Variants in STAG1 observed in about 807,000 individuals in gnomAD.
The protein encoded by STAG1 is cohesin subunit SA-1.
STAG1 carries 26 observed loss-of-function variants against 170.9 expected under a neutral mutation model. The observed-to-expected ratio is 0.15, with a 90% CI of 0.11 to 0.21. STAG1 has a LOEUF of 0.21. Among genes scored for constraint, STAG1 ranks in the 10% least tolerant of loss-of-function variants. The probability of loss-of-function intolerance (pLI) is 1.00; values close to 1 mark genes in which losing one functional copy is unlikely to be tolerated. For synonymous variants in STAG1, 514 were observed against 497.7 expected, an observed-to-expected ratio of 1.03 and a Z score of -0.44; for missense variants, 964 against 1,509.5, an observed-to-expected ratio of 0.64 and a Z score of 5.99.
At chr3:136,544,449 G>A (rs563236872) in intron 5 of STAG1, among the ~76,000 whole-genome samples, 1 of 152,008 alleles carries the variant, frequency 6.6e-6, no homozygotes, top group Non-Finnish European at 1.5e-5. Context: ...ATAACACAAG[G>A]CTCTTTTAAG....
At position 136,337,215 on chromosome 3, in the gene STAG1, G is replaced by A. The variant is rs766051559; in HGVS notation, c.*1039C>T. The stretch of plus-strand genomic sequence containing the variant: ...AGTAAACTTAATTCACAAAATTAGC[G>A]CATAAGGGTATTAAGTGCATGGGAA... On this transcript the variant is annotated 3_prime_UTR_variant, in exon 34 of 34. Transcript: ENST00000383202. 15 of 152,584 alleles carry A rather than the reference G, an allele frequency of 9.8e-5. No individual in the cohort carries two copies. The highest frequency in any genetic ancestry group is 3.9e-4 in the Admixed American group (6 of 15,270). The allele number at this position is 152,584 out of a possible 1,614,324, so 9.5% of individuals were successfully genotyped here. A position where few individuals can be genotyped will look rare whatever the true frequency, so the allele number is the denominator to read the frequency against.
chr3:136,403,294 A>T (rs1419579286), intron 21 of STAG1, among the ~76,000 whole-genome samples: 1 of 151,222 alleles, frequency 6.6e-6, no homozygotes, highest in Non-Finnish European at 1.5e-5. Flanking sequence ...AAAGGGAAGA[A>T]AAAAAGAATT....
At chr3:136,715,766 G>T (rs1943524306) in intron 1 of STAG1, among the ~76,000 whole-genome samples, 1 of 146,806 alleles carries the variant, frequency 6.8e-6, no homozygotes, top group South Asian at 2.2e-4. Context: ...AACTACTGTA[G>T]TTTTTTTTTT....
intron 1 of STAG1, among the ~76,000 whole-genome samples, chr3:136,725,009 G>A (rs1933578665): frequency 6.6e-6 from 1 of 152,158 alleles, no homozygotes; most frequent in Admixed American, 6.5e-5. Context: ...GCTCCTGGCT[G>A]ACAATTCAAA....
intron 7 of STAG1, chr3:136,518,219 T>C: frequency 2.1e-6 from 1 of 473,552 alleles, no homozygotes; most frequent in Non-Finnish European, 3.8e-6. Flanking sequence ...CTGGAACTCA[T>C]CACATCTGTA....
chr3:136,450,231 G>C lies in STAG1; in HGVS notation c.1428+1802C>G, dbSNP rs574740686. ...ATGCTTCAAATCATTAGTATGCAAA[G>C]TGTGATCCTTGGACCACGAGCATGA... On this transcript the variant is annotated intron_variant, in intron 14 of 33. Coordinates refer to ENST00000383202, the MANE Select transcript of STAG1 (RefSeq NM_005862.3). 1.2e-3 allele frequency among the ~76,000 whole-genome samples: 185 copies of C among 152,302 alleles called. 1 individual carries two copies. The highest frequency in any genetic ancestry group is 2.7e-3 in the Admixed American group (41 of 15,298).
intron 9 of STAG1, among the ~76,000 whole-genome samples, chr3:136,478,241 T>C (rs2089810698): frequency 6.6e-6 from 1 of 152,184 alleles, no homozygotes; most frequent in Non-Finnish European, 1.5e-5. Context: ...ACCATCTTGG[T>C]GACAATACTG....
At chr3:136,472,590 T>C (rs1051283915) in intron 11 of STAG1, 98 bp from the exon 12 acceptor site, 18 of 749,622 alleles carry the variant, frequency 2.4e-5, no homozygotes, top group Non-Finnish European at 3.1e-5. Flanking sequence ...GCAATACTAA[T>C]GATAGGTTAA....
chr3:136,426,818 C>T (rs1241990907), intron 16 of STAG1, among the ~76,000 whole-genome samples: 3 of 152,100 alleles, frequency 2.0e-5, no homozygotes, highest in East Asian at 1.9e-4. Context: ...CATGTAATCC[C>T]AGCACTTTGG....
intron 13 of STAG1, among the ~76,000 whole-genome samples, chr3:136,458,493 A>T (rs1356740856): frequency 6.6e-6 from 1 of 152,186 alleles, no homozygotes; most frequent in Non-Finnish European, 1.5e-5. Flanking sequence ...TATTTTTTAC[A>T]AGCCTCAGTG....
At chr3:136,630,384 AG>A (rs886304176) in intron 2 of STAG1, among the ~76,000 whole-genome samples, 1 of 149,752 alleles carries the variant, frequency 6.7e-6, no homozygotes. Flanking sequence ...GTGAGCAGGG[AG>A]GGGGGGTAGA....
intron 25 of STAG1, among the ~76,000 whole-genome samples, chr3:136,365,617 G>T (rs1354434084): frequency 6.6e-6 from 1 of 152,126 alleles, no homozygotes; most frequent in Non-Finnish European, 1.5e-5. Context: ...TGGAAAATCA[G>T]GATGAGGAAT....
At chr3:136,673,054 A>G (rs1196437035) in intron 1 of STAG1, among the ~76,000 whole-genome samples, 2 of 152,238 alleles carry the variant, frequency 1.3e-5, no homozygotes. Flanking sequence ...GGGCATCTCA[A>G]TGAAGAGATC....
At chr3:136,494,937 CA>C (rs1038964850) in intron 9 of STAG1, among the ~76,000 whole-genome samples, 2 of 152,154 alleles carry the variant, frequency 1.3e-5, no homozygotes, top group African/African-American at 2.4e-5. Flanking sequence ...ATGATAATTT[CA>C]GAAGCTTTTG....
In STAG1 at chr3:136,448,377, C is replaced by T. The variant is rs190127225; in HGVS notation, c.1428+3656G>A. 2.2e-4 allele frequency among the ~76,000 whole-genome samples: 33 copies of T among 152,162 alleles called. No homozygotes were observed. In the East Asian group the frequency reaches 3.7e-3, roughly 17 times the overall value. ...CAAAACAGATCCACATGACCGGGGA[C>T]GCCTCACAATCATGGCAGAAGATGA... On this transcript the variant is annotated intron_variant, in intron 14 of 33. Transcript: ENST00000383202.
At chr3:136,472,555 A>C (rs1235614125) in intron 11 of STAG1, 63 bp from the exon 12 acceptor site, 7 of 1,169,922 alleles carry the variant, frequency 6.0e-6, no homozygotes, top group African/African-American at 3.1e-5. Context: ...GACAGATCTA[A>C]TATAATGTAT....
At chr3:136,406,918 A>G (rs1452896896) in intron 21 of STAG1, among the ~76,000 whole-genome samples, 1 of 152,260 alleles carries the variant, frequency 6.6e-6, no homozygotes, top group East Asian at 1.9e-4. Context: ...AAGACTCTGA[A>G]ATTTTATTGT....
At chr3:136,714,953 A>T (rs952567912) in intron 1 of STAG1, among the ~76,000 whole-genome samples, 9 of 91,020 alleles carry the variant, frequency 9.9e-5, no homozygotes, top group East Asian at 8.9e-4. Context: ...ATATATATAT[A>T]TATATATATA....
chr3:136,722,744 C>T (rs1190773699), intron 1 of STAG1, among the ~76,000 whole-genome samples: 2 of 151,616 alleles, frequency 1.3e-5, no homozygotes, highest in Non-Finnish European at 1.5e-5. Flanking sequence ...GATGCCGAGC[C>T]GAAGCTGGAC....
Sources: allele counts gnomAD v4.1 joint callset (sites outside exome capture counted in the v4.1 genomes callset), GRCh38; gene constraint gnomAD v4.1.1; transcripts MANE v1.5; gene names NCBI Gene and HGNC (gene_info 2026-07-23, HGNC 2026-07-21).